WDR20: variants seen among roughly 807,000 people sequenced by gnomAD.
The protein encoded by WDR20 is WD repeat-containing protein 20.
Under a neutral mutation model 38.7 loss-of-function variants are expected in WDR20, and 3 were observed. That is an observed-to-expected ratio of 0.08 (90% confidence interval 0.04 to 0.20). The LOEUF is 0.20. Ranked by LOEUF, WDR20 falls within the 10% of genes least tolerant of loss-of-function variation. WDR20 has a pLI of 1.00. For missense variants in WDR20, 559 were observed against 727.7 expected (o/e 0.77, Z 2.67); for synonymous variants, 298 against 285.6 (o/e 1.04, Z -0.44).
At chr14:102,143,616 C>T (rs896800418) in intron 1 of WDR20, among the ~76,000 whole-genome samples, 36 of 151,828 alleles carry the variant, frequency 2.4e-4, no homozygotes, top group Non-Finnish European at 5.9e-5. Context: ...ACAATCTCGG[C>T]TCACTGCAAC....
At position 102,159,429 on chromosome 14, in the gene WDR20, T is replaced by G. The variant is rs114903655; in HGVS notation, c.249+19257T>G. Among the ~76,000 whole-genome samples, 1,137 of 152,292 alleles carry G rather than the reference T, an allele frequency of 7.5e-3. 22 individuals are homozygous for G. Among genetic ancestry groups the G allele is most frequent in the African/African-American group, 0.026 (1,064 of 41,538 alleles). On this transcript the variant is annotated intron_variant, in intron 1 of 2. Transcript: ENST00000342702. ...TGGAAGTGCAGAATATTGGCCCCAT[T>G]TACTGAATTAAATCTGCATTCTAAG...
chr14:102,181,427 T>C (rs2063348699), intron 1 of WDR20, among the ~76,000 whole-genome samples: 1 of 152,078 alleles, frequency 6.6e-6, no homozygotes, highest in African/African-American at 2.4e-5. Context: ...GGTTGTATGA[T>C]TTTAGGCAGT....
rs749397813 is a variant in WDR20 at position 102,209,079 on chromosome 14, C to T, written c.909C>T (p.His303=). ...GAGTAATAGCCAGAGGCCACGGGCA[C>T]AAGTCCTGGGTCAGTGTTGTAGCGT... ...DCRVIARGHG[H]KSWVSVVAFD... Residue 303 remains histidine (H), a synonymous_variant, in exon 3 of 3, where the codon CAC becomes CAT. Coordinates refer to ENST00000342702, the MANE Select transcript of WDR20 (RefSeq NM_144574.4). The surrounding 1 kb of genome is among the most constrained non-coding windows in gnomAD (Gnocchi z 6.0). The T allele has an allele frequency of 4.3e-6, 7 of 1,614,022 alleles. No individual in the cohort carries two copies. Among genetic ancestry groups the T allele is most frequent in the East Asian group, 2.2e-5 (1 of 44,886 alleles).
Position 102,209,620 on chromosome 14 carries a change from A to C in WDR20, c.1450A>C (p.Met484Leu). 6.2e-7 allele frequency: 1 copy of C among 1,614,206 alleles called. No individual in the cohort carries two copies. The highest frequency in any genetic ancestry group is 8.5e-7 in the Non-Finnish European group (1 of 1,180,034). The change falls in exon 3 of 3, where the codon ATG (methionine) becomes CTG (leucine). Residue 484 changes from methionine (M) to leucine (L), a missense_variant. Physicochemically the swap from Met to Leu is conservative, Grantham distance 15. Coordinates refer to ENST00000342702, the MANE Select transcript of WDR20 (RefSeq NM_144574.4). The surrounding 1 kb of genome is among the most constrained non-coding windows in gnomAD (Gnocchi z 6.0). ...GAAAGATCACAAGCGAAATCATAGC[A>C]TGGGACACATTTCTAGCAAGAGCAG... Reference protein sequence around the residue: ...HEKDHKRNHSMGHISSKSSDK... With the variant: ...HEKDHKRNHSLGHISSKSSDK...
downstream of WDR20, among the ~76,000 whole-genome samples, chr14:102,218,530 T>C (rs2063501227): frequency 6.6e-6 from 1 of 152,258 alleles, no homozygotes; most frequent in East Asian, 1.9e-4. Flanking sequence ...TGCTGCTTTA[T>C]TGTAAATTGT....
At chr14:102,191,000 CAAA>C (rs552354837) in intron 1 of WDR20, among the ~76,000 whole-genome samples, 12 of 91,374 alleles carry the variant, frequency 1.3e-4, no homozygotes, top group Admixed American at 2.3e-4. Flanking sequence ...GACTCTATCT[CAAA>C]AAAAAAAAAA....
At chr14:102,214,755 G>C, downstream of WDR20, 2 of 978,828 alleles carry the variant, frequency 2.0e-6, no homozygotes, top group South Asian at 9.4e-5. Flanking sequence ...ATTTCATAAA[G>C]AGCCTTCCTA....
At chr14:102,213,593 C>T (rs78735136), downstream of WDR20, 1,305 of 985,350 alleles carry the variant, frequency 1.3e-3, 16 homozygotes, top group African/African-American at 0.021. Context: ...GCAAGGACAC[C>T]GTCCGGGCGG....
At chr14:102,182,336 C>T (rs575720765) in intron 1 of WDR20, among the ~76,000 whole-genome samples, 97 of 152,162 alleles carry the variant, frequency 6.4e-4, no homozygotes, top group South Asian at 6.2e-4. Context: ...AAAGAACTAG[C>T]CATGGCTTCC....
At chr14:102,194,248 G>C (rs1451685356) in intron 1 of WDR20, among the ~76,000 whole-genome samples, 1 of 152,130 alleles carries the variant, frequency 6.6e-6, no homozygotes, top group African/African-American at 2.4e-5. Flanking sequence ...TTTGATTATG[G>C]CCTCGATAAG....
At chr14:102,200,467 T>TTTGTGTGTGTGTGTGTGTG (rs748066838) in intron 2 of WDR20, among the ~76,000 whole-genome samples, 1 of 117,688 alleles carries the variant, frequency 8.5e-6, no homozygotes, top group African/African-American at 3.1e-5. Context: ...ATTTTTTTTT[T>TTTGTGTGTGTGTGTGTGTG]TGTGTGTGTG....
chr14:102,219,687 C>T (rs1272827737), downstream of WDR20, among the ~76,000 whole-genome samples: 2 of 152,252 alleles, frequency 1.3e-5, no homozygotes, highest in Non-Finnish European at 2.9e-5. Flanking sequence ...CAACGTGCTT[C>T]CTGAGTGCTG....
At chr14:102,164,168 A>G (rs2059322542) in intron 1 of WDR20, among the ~76,000 whole-genome samples, 1 of 151,742 alleles carries the variant, frequency 6.6e-6, no homozygotes, top group South Asian at 2.1e-4. Flanking sequence ...TCCATTTGCC[A>G]CTCCTGGCAT....
At chr14:102,158,002 A>G (rs1212912453) in intron 1 of WDR20, among the ~76,000 whole-genome samples, 2 of 152,090 alleles carry the variant, frequency 1.3e-5, no homozygotes, top group East Asian at 1.9e-4. Context: ...TCGGGGTGCT[A>G]TCGCTTCCCT....
At chr14:102,184,746 G>T (rs940865525) in intron 1 of WDR20, among the ~76,000 whole-genome samples, 1 of 152,158 alleles carries the variant, frequency 6.6e-6, no homozygotes, top group African/African-American at 2.4e-5. Flanking sequence ...TGTTCCACAC[G>T]TCTTACATCT....
intron 1 of WDR20, among the ~76,000 whole-genome samples, chr14:102,143,753 C>T (rs988057640): frequency 2.0e-5 from 3 of 151,942 alleles, no homozygotes; most frequent in African/African-American, 4.8e-5. Context: ...TCATATTGGC[C>T]AGGCTGGTCT....
At chr14:102,139,530 C>T, upstream of WDR20, 1 of 994,926 alleles carries the variant, frequency 1.0e-6, no homozygotes, top group Non-Finnish European at 1.4e-6. Context: ...TGAGGAGGCA[C>T]CCTCAAGTTC....
downstream of WDR20, chr14:102,212,439 C>T: frequency 4.1e-6 from 6 of 1,472,932 alleles, no homozygotes; most frequent in Non-Finnish European, 5.5e-6. Flanking sequence ...CCTGGCTCAG[C>T]CCAGGCTGGC....
downstream of WDR20, chr14:102,212,795 A>G: frequency 7.4e-7 from 1 of 1,348,440 alleles, no homozygotes; most frequent in Non-Finnish European, 9.5e-7. Flanking sequence ...TTTCTCGCCA[A>G]ACTTTGAGCT....
Sources: allele counts gnomAD v4.1 joint callset (sites outside exome capture counted in the v4.1 genomes callset), GRCh38; gene constraint gnomAD v4.1.1; non-coding constraint Gnocchi (gnomAD v3.1); transcripts MANE v1.5; gene names NCBI Gene and HGNC (gene_info 2026-07-23, HGNC 2026-07-21).